The following ARHGAP39 variants were observed in gnomAD, a reference collection of about 807,000 sequenced individuals.
ARHGAP39 encodes Rho GTPase activating protein 39, also known as rho GTPase-activating protein 39.
ARHGAP39 carries 44 observed loss-of-function variants against 106.9 expected under a neutral mutation model. The observed-to-expected ratio is 0.41, with a 90% CI of 0.32 to 0.53. The LOEUF (loss-of-function observed/expected upper bound fraction) is 0.53, where lower values mean the gene tolerates loss of function less well. Ranked by LOEUF, ARHGAP39 falls within the 20% of genes least tolerant of loss-of-function variation. The pLI is 0.21. For missense variants in ARHGAP39, 1,496 were observed against 1,577.3 expected, an observed-to-expected ratio of 0.95 and a Z score of 0.87; for synonymous variants, 768 against 693.2, an observed-to-expected ratio of 1.11 and a Z score of -1.69.
Position 144,679,116 on chromosome 8 carries a change from C to G in ARHGAP39, c.-82+6570G>C, listed in dbSNP as rs1822321501. 6.6e-6 allele frequency among the ~76,000 whole-genome samples: 1 copy of G among 152,224 alleles called. No individual in the cohort carries two copies. Among genetic ancestry groups the G allele is most frequent in the Admixed American group, 6.5e-5 (1 of 15,288 alleles). On this transcript the variant is annotated intron_variant, in intron 1 of 11. Transcript: ENST00000377307. The surrounding 1 kb of genome is among the most constrained non-coding windows in gnomAD (Gnocchi z 4.7). The stretch of plus-strand genomic sequence containing the variant: ...CCAGAAGTGAATGTGGGTGCTGAGT[C>G]TGAGCCGCCTCAGGGGCTCTCGCGC...
At position 144,619,763 on chromosome 8, in the gene ARHGAP39, C is replaced by T. The variant is rs118029746; in HGVS notation, c.-81-14068G>A. 3.3e-3 allele frequency among the ~76,000 whole-genome samples: 457 copies of T among 138,728 alleles called. 3 individuals carry two copies. Among genetic ancestry groups the T allele is most frequent in the African/African-American group, 5.8e-3 (213 of 36,866 alleles). The allele number at this position is 138,728 out of a possible 152,430, so 91.0% of individuals were successfully genotyped here. A position where few individuals can be genotyped will look rare whatever the true frequency, so the allele number is the denominator to read the frequency against. On this transcript the variant is annotated intron_variant, in intron 1 of 11. Transcript: ENST00000377307. ...GAGCCTGTGTGTACCTCAGTGTGTGCCCGTGTGTGTGAGCCTGTGTCCGAG... is the reference window on the plus strand; with the variant it reads ...GAGCCTGTGTGTACCTCAGTGTGTGTCCGTGTGTGTGAGCCTGTGTCCGAG...
At chr8:144,699,066 G>A in the ARHGAP39 span, 1 of 341,154 alleles carries the variant, frequency 2.9e-6, no homozygotes, top group Non-Finnish European at 5.8e-6. Context: ...CAGGGCGTGG[G>A]ACACACCTCT....
At chr8:144,573,268 T>C (rs1818648017) in intron 3 of ARHGAP39, among the ~76,000 whole-genome samples, 1 of 152,172 alleles carries the variant, frequency 6.6e-6, no homozygotes, top group East Asian at 1.9e-4. Flanking sequence ...CATGGAATAC[T>C]ATGCAGCCAT....
In ARHGAP39 at chr8:144,601,325, G is replaced by A. The variant is rs1394134145; in HGVS notation, c.80+4210C>T. Among the ~76,000 whole-genome samples the A allele has an allele frequency of 2.1e-5, 3 of 139,616 alleles. 1 individual carries two copies. The highest frequency in any genetic ancestry group is 1.5e-4 in the Admixed American group (2 of 13,790). 91.6% of individuals were successfully genotyped at this position (139,616 alleles called of 152,430 possible). On this transcript the variant is annotated intron_variant, in intron 2 of 11. Transcript: ENST00000377307. Reference sequence around the variant, plus strand: ...TCATGTACCTGTGTGTGTGTGTGGAGGCGTGTGTGTGCTCGTGTACCTGTG... The same window carrying A: ...TCATGTACCTGTGTGTGTGTGTGGAAGCGTGTGTGTGCTCGTGTACCTGTG...
chr8:144,639,503 A>G (rs1378001704), intron 1 of ARHGAP39, among the ~76,000 whole-genome samples: 1 of 152,178 alleles, frequency 6.6e-6, no homozygotes, highest in Non-Finnish European at 1.5e-5. Context: ...TTCCTGGTCA[A>G]CATTTCTTGG....
chr8:144,633,143 T>TG (rs1554609505), intron 1 of ARHGAP39, among the ~76,000 whole-genome samples: 2 of 148,724 alleles, frequency 1.3e-5, no homozygotes, highest in Non-Finnish European at 1.5e-5. Flanking sequence ...CCCTGTTTTT[T>TG]TTTGTTTGTT....
At chr8:144,686,021 A>G (rs1178179938), upstream of ARHGAP39, among the ~76,000 whole-genome samples, 1 of 151,058 alleles carries the variant, frequency 6.6e-6, no homozygotes, top group African/African-American at 2.4e-5. Context: ...GCATGCTGGG[A>G]GCCGCCTGGC....
intron 2 of ARHGAP39, among the ~76,000 whole-genome samples, chr8:144,602,753 TGA>T (rs1586603941): frequency 1.7e-4 from 22 of 132,796 alleles, no homozygotes; most frequent in Middle Eastern, 5.0e-3. Flanking sequence ...GGCGTGTGTG[TGA>T]GCTCGTGTAC....
intron 3 of ARHGAP39, among the ~76,000 whole-genome samples, chr8:144,575,774 C>T (rs914631570): frequency 3.3e-5 from 5 of 152,188 alleles, no homozygotes; most frequent in African/African-American, 1.2e-4. Context: ...AAGCACTATG[C>T]ACGGTTCATA....
chr8:144,598,648 C>A (rs1400270036), intron 2 of ARHGAP39, among the ~76,000 whole-genome samples: 1 of 152,198 alleles, frequency 6.6e-6, no homozygotes, highest in East Asian at 1.9e-4. Context: ...ACACAAGAAC[C>A]AAGGCGGATC....
At chr8:144,630,025 T>A (rs1038235709) in intron 1 of ARHGAP39, among the ~76,000 whole-genome samples, 1 of 152,156 alleles carries the variant, frequency 6.6e-6, no homozygotes, top group East Asian at 1.9e-4. Flanking sequence ...CAGGCAAGGC[T>A]GAACCCCAGC....
chr8:144,652,994 G>A (rs1821610244), intron 1 of ARHGAP39, among the ~76,000 whole-genome samples: 2 of 152,170 alleles, frequency 1.3e-5, no homozygotes, highest in Admixed American at 1.3e-4. Flanking sequence ...TGCAGCCAAG[G>A]TTGAAAATTA....
At chr8:144,590,166 G>A (rs375606641) in intron 2 of ARHGAP39, among the ~76,000 whole-genome samples, 248 of 152,336 alleles carry the variant, frequency 1.6e-3, no homozygotes, top group African/African-American at 5.3e-3. Context: ...AGATGCCATC[G>A]ACACTGCGGT....
Position 144,628,418 on chromosome 8 carries a change from G to C in ARHGAP39, c.-81-22723C>G, listed in dbSNP as rs1408726768. On this transcript the variant is annotated intron_variant, in intron 1 of 11. Coordinates refer to ENST00000377307, the MANE Select transcript of ARHGAP39 (RefSeq NM_025251.3). ...GTCCAGCAACCCTCGTGCCAGATGA[G>C]AGGCAGCAGCACAGAGGGCATTCCG... Among the ~76,000 whole-genome samples, 5 of 152,280 alleles carry C rather than the reference G, an allele frequency of 3.3e-5. No individual in the cohort carries two copies. In the East Asian group the frequency reaches 9.7e-4, roughly 29 times the overall value.
chr8:144,585,317 G>A lies in ARHGAP39; in HGVS notation c.81-4040C>T, dbSNP rs1373505595. Among the ~76,000 whole-genome samples the A allele has an allele frequency of 6.6e-6, 1 of 151,472 alleles. No homozygotes were observed. The highest frequency in any genetic ancestry group is 1.5e-5 in the Non-Finnish European group (1 of 67,808). ...CATCCCAAATCACCACAGAGAACCTGAGGGGCCAGCCAGGGGTTCCCAGCA... is the reference window on the plus strand; with the variant it reads ...CATCCCAAATCACCACAGAGAACCTAAGGGGCCAGCCAGGGGTTCCCAGCA... On this transcript the variant is annotated intron_variant, in intron 2 of 11. Transcript: ENST00000377307. This position sits in a 1 kb window ranked among gnomAD's most constrained non-coding sequence, Gnocchi z 4.6.
intron 1 of ARHGAP39, among the ~76,000 whole-genome samples, chr8:144,626,556 G>A (rs1303168088): frequency 7.7e-6 from 1 of 130,346 alleles, no homozygotes; most frequent in Non-Finnish European, 1.6e-5. Flanking sequence ...CGGCGGCCCC[G>A]TTCACGGAGC....
chr8:144,674,947 C>A (rs1425239516), intron 1 of ARHGAP39, among the ~76,000 whole-genome samples: 2 of 152,158 alleles, frequency 1.3e-5, no homozygotes, highest in South Asian at 4.1e-4. Flanking sequence ...AGGAGGCTGG[C>A]CTGCTTCTGA....
chr8:144,671,626 G>A lies in ARHGAP39; in HGVS notation c.-82+14060C>T, dbSNP rs1196564332. 6.6e-6 allele frequency among the ~76,000 whole-genome samples: 1 copy of A among 152,208 alleles called. No homozygotes were observed. Among genetic ancestry groups the A allele is most frequent in the Non-Finnish European group, 1.5e-5 (1 of 68,046 alleles). On this transcript the variant is annotated intron_variant, in intron 1 of 11. Transcript: ENST00000377307. The surrounding 1 kb of genome is among the most constrained non-coding windows in gnomAD (Gnocchi z 4.5). ...TTTCTGTGCCTGGTGAATAGCCCAA[G>A]GCTCAGCTGCTGATACTCCTCCTTT...
At chr8:144,579,318 G>A (rs1586573605) in intron 3 of ARHGAP39, among the ~76,000 whole-genome samples, 1 of 150,450 alleles carries the variant, frequency 6.6e-6, no homozygotes, top group African/African-American at 2.5e-5. Flanking sequence ...ATAGCTAAAA[G>A]AAATCTAAAA....
Sources: allele counts gnomAD v4.1 joint callset (sites outside exome capture counted in the v4.1 genomes callset), GRCh38; gene constraint gnomAD v4.1.1; non-coding constraint Gnocchi (gnomAD v3.1); transcripts MANE v1.5; gene names NCBI Gene and HGNC (gene_info 2026-07-23, HGNC 2026-07-21).